The following TMEM178B variants were observed in gnomAD, a reference collection of about 807,000 sequenced individuals.
TMEM178B encodes the protein transmembrane protein 178B.
A neutral mutation model predicts 31.0 loss-of-function variants in TMEM178B; 5 were observed. The observed-to-expected ratio is 0.16, with a 90% confidence interval of 0.08 to 0.34. The LOEUF is 0.34. Ranked by LOEUF, TMEM178B falls within the 10% of genes least tolerant of loss-of-function variation. TMEM178B has a pLI of 1.00. For missense variants in TMEM178B, 275 were observed against 400.3 expected (o/e 0.69, Z 2.67); for synonymous variants, 164 against 164.0 (o/e 1.00, Z 0.00).
At chr7:141,506,576 C>T in the TMEM178B span, among the ~76,000 whole-genome samples, 2 of 152,130 alleles carry the variant, frequency 1.3e-5, no homozygotes, top group East Asian at 3.9e-4. Flanking sequence ...CCTCTCGATC[C>T]CTCCTACAGC....
chr7:141,488,570 G>A, the TMEM178B span, among the ~76,000 whole-genome samples: 326 of 152,204 alleles, frequency 2.1e-3, 10 homozygotes, highest in Non-Finnish European at 2.5e-3. Context: ...CTCCCGAGTA[G>A]CTGGGACTAC....
At chr7:141,490,126 G>C in the TMEM178B span, among the ~76,000 whole-genome samples, 2 of 152,136 alleles carry the variant, frequency 1.3e-5, no homozygotes. Context: ...ATCAGCCGTG[G>C]TCTTCCGCTC....
chr7:141,204,956 G>T, intron 1 of TMEM178B, among the ~76,000 whole-genome samples: 1 of 152,204 alleles, frequency 6.6e-6, no homozygotes. Flanking sequence ...GAGTAGCTAA[G>T]ACCACAGGTG....
intron 1 of TMEM178B, among the ~76,000 whole-genome samples, chr7:141,122,527 G>C (rs1375907212): frequency 6.6e-6 from 1 of 152,206 alleles, no homozygotes; most frequent in Non-Finnish European, 1.5e-5. Flanking sequence ...ATTCCATCCT[G>C]TCCTAGGAAT....
At chr7:141,172,451 C>T (rs185701242) in intron 1 of TMEM178B, among the ~76,000 whole-genome samples, 2 of 152,168 alleles carry the variant, frequency 1.3e-5, no homozygotes, top group African/African-American at 4.8e-5. Context: ...CCATCTTAGA[C>T]ATGCAGTGAA....
At chr7:141,199,245 C>T (rs1033126815) in intron 1 of TMEM178B, among the ~76,000 whole-genome samples, 1 of 152,192 alleles carries the variant, frequency 6.6e-6, no homozygotes, top group African/African-American at 2.4e-5. Flanking sequence ...AAGGTGGTAG[C>T]TCCCACTAAA....
At chr7:141,182,771 G>T (rs998340608) in intron 1 of TMEM178B, among the ~76,000 whole-genome samples, 1 of 152,180 alleles carries the variant, frequency 6.6e-6, no homozygotes, top group African/African-American at 2.4e-5. Flanking sequence ...AGATCTGATG[G>T]TTTTGTAAAT....
At chr7:141,343,784 C>T (rs760266241) in intron 2 of TMEM178B, among the ~76,000 whole-genome samples, 6 of 152,088 alleles carry the variant, frequency 3.9e-5, no homozygotes, top group Non-Finnish European at 8.8e-5. Context: ...CTCCTGATCT[C>T]AGGATCCACC....
At chr7:141,343,119 C>T (rs930419170) in intron 2 of TMEM178B, among the ~76,000 whole-genome samples, 3 of 152,326 alleles carry the variant, frequency 2.0e-5, no homozygotes, top group East Asian at 1.9e-4. Context: ...GCGATGCTCA[C>T]GCTGCTGGTC....
At chr7:141,124,617 G>A (rs1347051477) in intron 1 of TMEM178B, among the ~76,000 whole-genome samples, 1 of 152,092 alleles carries the variant, frequency 6.6e-6, no homozygotes, top group South Asian at 2.1e-4. Context: ...AAGTGAAAAA[G>A]TTGGTCACAT....
intron 2 of TMEM178B, among the ~76,000 whole-genome samples, chr7:141,249,446 A>G (rs1025925346): frequency 6.6e-6 from 1 of 152,230 alleles, no homozygotes. Flanking sequence ...AAACGTACTT[A>G]TACAGTAAAT....
At chr7:141,155,222 G>A (rs748124317) in intron 1 of TMEM178B, among the ~76,000 whole-genome samples, 1 of 152,184 alleles carries the variant, frequency 6.6e-6, no homozygotes, top group East Asian at 1.9e-4. Context: ...TTTAGACAGA[G>A]AAGTAGTTTG....
In TMEM178B at chr7:141,171,882, A is replaced by T. The variant is rs1157140893; in HGVS notation, c.383-40709A>T. On this transcript the variant is annotated intron_variant, in intron 1 of 3. Transcript: ENST00000565468. The surrounding 1 kb of genome is among the most constrained non-coding windows in gnomAD (Gnocchi z 4.3). ...TGAATGAATGAAGGGCAATGGCAAG[A>T]GGCATGTGTGCCTTCAGGTCTTGTT... 1.3e-5 allele frequency among the ~76,000 whole-genome samples: 2 copies of T among 152,184 alleles called. No individual in the cohort carries two copies. Among genetic ancestry groups the T allele is most frequent in the African/African-American group, 4.8e-5 (2 of 41,450 alleles).
At chr7:141,155,610 G>T (rs764396131) in intron 1 of TMEM178B, among the ~76,000 whole-genome samples, 10 of 152,190 alleles carry the variant, frequency 6.6e-5, no homozygotes, top group Non-Finnish European at 1.3e-4. Context: ...GGGTATGTGT[G>T]CTCAGCCATC....
chr7:141,193,427 GCAGCCCTTCCAGGGT>G (rs1488845143), intron 1 of TMEM178B, among the ~76,000 whole-genome samples: 2 of 152,206 alleles, frequency 1.3e-5, no homozygotes, highest in African/African-American at 4.8e-5. Context: ...GAGGAGTTGG[GCAGCCCTTCCAGGGT>G]CAGGTGACTC....
intron 2 of TMEM178B, among the ~76,000 whole-genome samples, chr7:141,285,243 C>T (rs553067483): frequency 2.0e-5 from 3 of 146,932 alleles, no homozygotes; most frequent in Admixed American, 7.0e-5. Context: ...CTCTGCCTCC[C>T]GGATTCACGC....
chr7:141,258,392 G>T (rs1797962251), intron 2 of TMEM178B, among the ~76,000 whole-genome samples: 1 of 152,142 alleles, frequency 6.6e-6, no homozygotes, highest in African/African-American at 2.4e-5. Context: ...TTACAAATTT[G>T]TTTTGGGCCA....
downstream of TMEM178B, among the ~76,000 whole-genome samples, chr7:141,484,946 C>T (rs1273957881): frequency 6.6e-6 from 1 of 152,068 alleles, no homozygotes; most frequent in Non-Finnish European, 1.5e-5. The surrounding 1 kb of genome is among the most constrained non-coding windows in gnomAD (Gnocchi z 4.8). Context: ...AAAGCCACAC[C>T]AGAAAAAGCA....
At chr7:141,246,775 A>G (rs569386316) in intron 2 of TMEM178B, among the ~76,000 whole-genome samples, 2 of 152,264 alleles carry the variant, frequency 1.3e-5, no homozygotes, top group African/African-American at 4.8e-5. Context: ...GGCCGGGGTC[A>G]GAGTACAGAA....
Sources: allele counts gnomAD v4.1 joint callset (sites outside exome capture counted in the v4.1 genomes callset), GRCh38; gene constraint gnomAD v4.1.1; non-coding constraint Gnocchi (gnomAD v3.1); transcripts MANE v1.5; gene names NCBI Gene and HGNC (gene_info 2026-07-23, HGNC 2026-07-21).